Variants in CACNA1D observed in about 807,000 individuals in gnomAD.
CACNA1D encodes the protein calcium voltage-gated channel subunit alpha1 D, also known as voltage-dependent L-type calcium channel subunit alpha-1D.
A neutral mutation model predicts 257.1 loss-of-function variants in CACNA1D; 55 were observed. The ratio of observed to expected loss-of-function variants is 0.21; its 90% CI spans 0.17 to 0.27. CACNA1D has a LOEUF of 0.27. Among genes scored for constraint, CACNA1D ranks in the 10% least tolerant of loss-of-function variants. The pLI is 1.00. For synonymous variants in CACNA1D, 980 were observed against 1,014.9 expected, an observed-to-expected ratio of 0.97 and a Z score of 0.65; for missense variants, 1,876 against 2,784.0, an observed-to-expected ratio of 0.67 and a Z score of 7.34.
chr3:53,748,119 G>A (rs545933442), intron 26 of CACNA1D, among the ~76,000 whole-genome samples: 13 of 152,360 alleles, frequency 8.5e-5, no homozygotes, highest in African/African-American at 2.6e-4. Flanking sequence ...ACAGGGTCCT[G>A]AAGAATGGCT....
At chr3:53,675,874 T>G (rs1303198783) in intron 8 of CACNA1D, among the ~76,000 whole-genome samples, 1 of 152,224 alleles carries the variant, frequency 6.6e-6, no homozygotes, top group Non-Finnish European at 1.5e-5. Context: ...TAACTGTCAG[T>G]GCGGGCTGTG....
intron 2 of CACNA1D, among the ~76,000 whole-genome samples, chr3:53,500,891 T>A (rs183184424): frequency 5.3e-4 from 81 of 152,330 alleles, no homozygotes; most frequent in African/African-American, 1.8e-3. Context: ...GCTGATTTCT[T>A]ATGGCTTTTT....
chr3:53,557,898 C>T (rs2092675352), intron 3 of CACNA1D, among the ~76,000 whole-genome samples: 1 of 152,150 alleles, frequency 6.6e-6, no homozygotes, highest in Non-Finnish European at 1.5e-5. Context: ...ACCAAAAAAG[C>T]CTGCTGTGAT....
At chr3:53,613,927 T>C (rs34848605) in intron 3 of CACNA1D, among the ~76,000 whole-genome samples, 19,213 of 151,796 alleles carry the variant, frequency 0.13, 1,479 homozygotes, top group African/African-American at 0.22. Context: ...TAAGAAATTA[T>C]TAACCATAGT....
At chr3:53,661,398 T>A (rs922745761) in intron 5 of CACNA1D, among the ~76,000 whole-genome samples, 39 of 152,224 alleles carry the variant, frequency 2.6e-4, no homozygotes, top group African/African-American at 8.9e-4. Flanking sequence ...TACTTGTTTT[T>A]CCAGATGGTT....
chr3:53,809,003 A>C, intron 46 of CACNA1D: 1 of 557,170 alleles, frequency 1.8e-6, no homozygotes. Context: ...CCAGCTGCCA[A>C]AGCTGGCCTC....
At chr3:53,677,736 TG>T (rs377366547) in intron 8 of CACNA1D, among the ~76,000 whole-genome samples, 19 of 152,364 alleles carry the variant, frequency 1.2e-4, no homozygotes, top group African/African-American at 3.8e-4. Flanking sequence ...TATTTGACAA[TG>T]TTTTTTTGCA....
intron 8 of CACNA1D, among the ~76,000 whole-genome samples, chr3:53,697,541 C>A (rs893992067): frequency 2.0e-5 from 3 of 151,918 alleles, no homozygotes; most frequent in Admixed American, 6.5e-5. Context: ...GGAGTTATAT[C>A]TTCTAAGCAT....
intron 8 of CACNA1D, among the ~76,000 whole-genome samples, chr3:53,699,992 A>T (rs1485632340): frequency 6.6e-6 from 1 of 151,530 alleles, no homozygotes; most frequent in Non-Finnish European, 1.5e-5. Flanking sequence ...AATTAGGAAG[A>T]TAGTAAAAGA....
intron 3 of CACNA1D, among the ~76,000 whole-genome samples, chr3:53,502,568 G>A (rs1294124807): frequency 6.7e-6 from 1 of 149,862 alleles, no homozygotes; most frequent in Non-Finnish European, 1.5e-5. Context: ...TAAAAAAAAA[G>A]CACTAAAGAG....
intron 3 of CACNA1D, among the ~76,000 whole-genome samples, chr3:53,645,402 T>A (rs573468550): frequency 2.0e-4 from 30 of 152,336 alleles, no homozygotes; most frequent in African/African-American, 6.7e-4. Flanking sequence ...CTGTCTAATG[T>A]CAAGAAGCTT....
At chr3:53,788,037 G>A (rs140984456) in intron 40 of CACNA1D, among the ~76,000 whole-genome samples, 3 of 152,306 alleles carry the variant, frequency 2.0e-5, no homozygotes, top group Admixed American at 6.5e-5. Flanking sequence ...GGAAAAATGC[G>A]CAGCGTTGTG....
At position 53,497,645 on chromosome 3, in the gene CACNA1D, G is replaced by A. The variant is rs920427483; in HGVS notation, c.377+184G>A. Among the ~76,000 whole-genome samples, 33 of 152,250 alleles carry A rather than the reference G, an allele frequency of 2.2e-4. No homozygotes were observed. The highest frequency in any genetic ancestry group is 3.2e-4 in the Non-Finnish European group (22 of 68,020). On this transcript the variant is annotated intron_variant, in intron 2 of 47. Transcript: ENST00000350061. ...TCGGGTTGCAGAGGGGTGGCTGTAC[G>A]GGTATATTTAGCCCACTGTCTGGAT...
At chr3:53,627,060 G>T (rs762280170) in intron 3 of CACNA1D, among the ~76,000 whole-genome samples, 9 of 152,216 alleles carry the variant, frequency 5.9e-5, no homozygotes, top group Non-Finnish European at 1.2e-4. Context: ...TTCCTGGTTG[G>T]TTTTTGCAGC....
Position 53,666,442 on chromosome 3 carries a change from C to A in CACNA1D, c.1023C>A (p.Asn341Lys), listed in dbSNP as rs201819347. Residue 341 changes from asparagine (N) to lysine (K), a missense_variant, in exon 7 of 48, where the codon AAC becomes AAA. Around this residue, in one of 10 missense-constraint regions of CACNA1D, gnomAD observed 188 missense variants for 390.4 expected, o/e 0.48. Coordinates refer to ENST00000350061, the MANE Select transcript of CACNA1D (RefSeq NM_001128840.3). ...TECRSGWVGP[N>K]GGITNFDNFA... is the part of the protein sequence containing the mutation. ...GTAGGAGTGGCTGGGTTGGCCCGAA[C>A]GGAGGCATCACCAACTTTGATAACT... 1.2e-6 allele frequency: 2 copies of A among 1,614,146 alleles called. No individual in the cohort carries two copies. The highest frequency in any genetic ancestry group is 1.7e-5 in the Admixed American group (1 of 60,018).
At chr3:53,733,905 C>T (rs1401463763) in intron 19 of CACNA1D, among the ~76,000 whole-genome samples, 1 of 143,140 alleles carries the variant, frequency 7.0e-6, no homozygotes, top group Admixed American at 7.2e-5. Flanking sequence ...CTGACACCTA[C>T]AGCCCTTTGT....
At position 53,772,574 on chromosome 3, in the gene CACNA1D, C is replaced by T. The variant is rs2095372070; in HGVS notation, c.4045-259C>T. 2.0e-5 allele frequency among the ~76,000 whole-genome samples: 3 copies of T among 152,216 alleles called. No individual in the cohort carries two copies. In the South Asian group the frequency reaches 6.2e-4, roughly 32 times the overall value. The stretch of plus-strand genomic sequence containing the variant: ...TGTGTTGAAAATGTTTAGGGTTAGG[C>T]TACAGGGTTAATGACCGTGGAAAGC... On this transcript the variant is annotated intron_variant, in intron 32 of 47. Transcript: ENST00000350061.
rs1026399678 is a variant in CACNA1D, at chr3:53,776,669, T to C, written c.4429T>C (p.Leu1477=). The change falls in exon 36 of 48, where the codon TTG becomes CTG. Residue 1477 remains leucine (L), a synonymous_variant. Coordinates refer to ENST00000350061, the MANE Select transcript of CACNA1D (RefSeq NM_001128840.3). ...FDYLTRDWSI[L]GPHHLDEFKR... is the part of the protein sequence containing the mutation. ...CTATCTGACCCGGGACTGGTCTATT[T>C]TGGGGCCTCACCATTTAGATGAATT... 1.2e-6 allele frequency: 2 copies of C among 1,614,104 alleles called. No homozygotes were observed. The highest frequency in any genetic ancestry group is 1.3e-5 in the African/African-American group (1 of 74,928).
At chr3:53,551,562 C>T (rs986950594) in intron 3 of CACNA1D, among the ~76,000 whole-genome samples, 1 of 152,194 alleles carries the variant, frequency 6.6e-6, no homozygotes, top group Admixed American at 6.5e-5. Flanking sequence ...TATGAGGTAT[C>T]GAGTATGTGC....
Sources: gnomAD v4.1 joint callset for allele counts (sites outside exome capture counted in the v4.1 genomes callset) on GRCh38, gnomAD v4.1.1 for gene constraint, gnomAD v4.1.1 regional missense constraint, MANE v1.5 for transcripts, NCBI Gene and HGNC (gene_info 2026-07-23, HGNC 2026-07-21) for gene names.